The following PKP2 variants were observed in gnomAD, a reference collection of about 807,000 sequenced individuals.
PKP2 encodes plakophilin-2.
In PKP2, 73 loss-of-function variants were observed where a neutral mutation model predicts 83.4. That is an observed-to-expected ratio of 0.88 (90% CI 0.72 to 1.06). The LOEUF (loss-of-function observed/expected upper bound fraction) is 1.06, where lower values mean the gene tolerates loss of function less well. Among genes scored for constraint, PKP2 ranks in the 50% least tolerant of loss-of-function variants. The pLI, the probability that PKP2 is intolerant of heterozygous loss-of-function variation, is 0.00. For synonymous variants in PKP2, 409 were observed against 430.4 expected (o/e 0.95, Z 0.62); for missense variants, 966 against 1,065.4 (o/e 0.91, Z 1.30).
chr12:32,838,304 A>G (rs1956560743), intron 6 of PKP2, among the ~76,000 whole-genome samples: 1 of 152,206 alleles, frequency 6.6e-6, no homozygotes, highest in South Asian at 2.1e-4. Context: ...AGATGGGAAC[A>G]ATAAACACTG....
chr12:32,896,670 A>T lies in PKP2; in HGVS notation c.62T>A (p.Ile21Asn). The change falls in exon 1 of 13, where the codon ATC (isoleucine) becomes AAC (asparagine). Residue 21 changes from isoleucine to asparagine, a missense_variant. By Grantham distance (149) the Ile-to-Asn change is moderately radical. Transcript: ENST00000340811. ...GCTGGAGCTGTCCAGTTGTCCCAGG[A>T]TCTGCTGGCCCAGGACGGTCCGGAT... ...GYIRTVLGQQ[I>N]LGQLDSSSLA... is the part of the protein sequence containing the mutation. 1.3e-6 allele frequency: 2 copies of T among 1,555,816 alleles called. No homozygotes were observed. Among genetic ancestry groups the T allele is most frequent in the Non-Finnish European group, 1.7e-6 (2 of 1,159,896 alleles).
chr12:32,832,228 A>C (rs1354323295), intron 6 of PKP2, among the ~76,000 whole-genome samples: 1 of 152,040 alleles, frequency 6.6e-6, no homozygotes, highest in Non-Finnish European at 1.5e-5. Flanking sequence ...AATACAAAAA[A>C]TTAGCTGGGC....
intron 10 of PKP2, among the ~76,000 whole-genome samples, chr12:32,797,302 T>C (rs1376900195): frequency 6.6e-6 from 1 of 151,430 alleles, no homozygotes; most frequent in Non-Finnish European, 1.5e-5. Context: ...TAGCTGGGCG[T>C]AGTGGCACAT....
intron 9 of PKP2, among the ~76,000 whole-genome samples, chr12:32,807,764 T>A (rs1378106069): frequency 6.6e-6 from 1 of 152,168 alleles, no homozygotes; most frequent in Non-Finnish European, 1.5e-5. Flanking sequence ...CTGAAAAGGA[T>A]CTTATTTCTC....
chr12:32,826,404 G>A (rs1011677641), intron 6 of PKP2, among the ~76,000 whole-genome samples: 5 of 151,746 alleles, frequency 3.3e-5, no homozygotes, highest in African/African-American at 1.2e-4. Context: ...TTGAACTCTG[G>A]AAACTGACAA....
intron 4 of PKP2, chr12:32,863,375 A>G: frequency 3.8e-6 from 1 of 265,356 alleles, no homozygotes; most frequent in Non-Finnish European, 8.0e-6. Context: ...TTCCGAAGCA[A>G]TCTTCCTGCT....
At position 32,859,404 on chromosome 12, in the gene PKP2, C is replaced by T. The variant is rs556404917; in HGVS notation, c.1171-8431G>A. On this transcript the variant is annotated intron_variant, in intron 4 of 12. Coordinates refer to ENST00000340811, the MANE Select transcript of PKP2 (RefSeq NM_001005242.3). ...TATGCATGCAAGATGATGATAAATTCTATAAAAGCGTTTATTTTATCATTT... is the reference window on the plus strand; with the variant it reads ...TATGCATGCAAGATGATGATAAATTTTATAAAAGCGTTTATTTTATCATTT... Among the ~76,000 whole-genome samples the T allele has an allele frequency of 1.2e-4, 19 of 152,130 alleles. No homozygotes were observed. The South Asian group carries it at 3.9e-3, about 32-fold the overall frequency.
chr12:32,876,681 A>G (rs1448293368), intron 3 of PKP2, among the ~76,000 whole-genome samples: 1 of 152,084 alleles, frequency 6.6e-6, no homozygotes, highest in Non-Finnish European at 1.5e-5. Flanking sequence ...ACGTGCACAC[A>G]ACCACACCCA....
Position 32,792,684 on chromosome 12 carries a change from G to C in PKP2, c.2405C>G (p.Ser802Cys). 1 of 1,614,114 alleles carries C rather than the reference G, an allele frequency of 6.2e-7. No homozygotes were observed. The highest frequency in any genetic ancestry group is 1.7e-5 in the Admixed American group (1 of 60,024). ...ATGCAGTTCCGTGTGTGCCCACAGA[G>C]AATACAGAAGGACGGAAGCAGCTTT... The part of the protein sequence containing the change: ...ASKAASVLLY[S>C]LWAHTELHHA... Residue 802 changes from serine to cysteine, a missense_variant, in exon 12 of 13, where the codon TCT (serine) becomes TGT (cysteine). Coordinates refer to ENST00000340811, the MANE Select transcript of PKP2 (RefSeq NM_001005242.3).
chr12:32,794,249 C>G (rs1956101245), intron 11 of PKP2, among the ~76,000 whole-genome samples: 1 of 152,134 alleles, frequency 6.6e-6, no homozygotes, highest in South Asian at 2.1e-4. Context: ...TGATGGGTCT[C>G]TAATATTCAA....
intron 10 of PKP2, among the ~76,000 whole-genome samples, chr12:32,798,320 A>G (rs1368927634): frequency 2.0e-5 from 3 of 151,374 alleles, no homozygotes; most frequent in Non-Finnish European, 4.4e-5. Context: ...CGAACTCCTG[A>G]CCTCAGGTGA....
chr12:32,854,746 CAT>C (rs1208730095), intron 4 of PKP2, among the ~76,000 whole-genome samples: 1 of 152,208 alleles, frequency 6.6e-6, no homozygotes, highest in Non-Finnish European at 1.5e-5. Context: ...GGCAGAGTCA[CAT>C]ATGAGAATTT....
chr12:32,824,463 A>G (rs1355301044), intron 6 of PKP2: 1 of 375,920 alleles, frequency 2.7e-6, no homozygotes, highest in Non-Finnish European at 5.0e-6. Context: ...ATATGAGGCA[A>G]ATGTTTTTGC....
At chr12:32,866,274 TG>T (rs1251862603) in intron 4 of PKP2, among the ~76,000 whole-genome samples, 1 of 152,022 alleles carries the variant, frequency 6.6e-6, no homozygotes, top group African/African-American at 2.4e-5. Flanking sequence ...ATGTTCTGGC[TG>T]GGTGTGGTGG....
rs756604557 is a variant in PKP2, at chr12:32,877,946, A to C, written c.934T>G (p.Ser312Ala). The stretch of plus-strand genomic sequence containing the variant: ...GTCAAGTGCGCTCTCCTCCCGCTGG[A>C]ATCCACGGCGACACTGGGCCCAGCT... ...REAGPSVAVDSSGRRAHLTVG... is the reference protein window; with the variant it reads ...REAGPSVAVDASGRRAHLTVG... Residue 312 changes from serine to alanine, a missense_variant, in exon 3 of 13, where the codon TCC (serine) becomes GCC (alanine). Coordinates refer to ENST00000340811, the MANE Select transcript of PKP2 (RefSeq NM_001005242.3). The C allele has an allele frequency of 2.2e-5, 36 of 1,614,056 alleles. No homozygotes were observed. The highest frequency in any genetic ancestry group is 2.5e-5 in the Non-Finnish European group (29 of 1,180,036).
chr12:32,841,314 A>T, intron 5 of PKP2, 109 bp from the exon 6 acceptor site: 1 of 898,882 alleles, frequency 1.1e-6, no homozygotes, highest in Non-Finnish European at 1.8e-6. Context: ...GTCATAAAAA[A>T]ATTTGGGGGG....
rs570504485 is a variant in PKP2 at position 32,834,762 on chromosome 12, T to C, written c.1556+6266A>G. On this transcript the variant is annotated intron_variant, in intron 6 of 12. Transcript: ENST00000340811. The stretch of plus-strand genomic sequence containing the variant: ...AGGAGGAAAGAAGCTATAAGAATAA[T>C]ATGCAGAAATGATGATAAAACTTTG... Among the ~76,000 whole-genome samples the C allele has an allele frequency of 3.3e-5, 5 of 152,190 alleles. 1 individual carries two copies. In the South Asian group the frequency reaches 1.0e-3, roughly 32 times the overall value.
At chr12:32,862,820 A>ATG (rs1956812604) in intron 4 of PKP2, among the ~76,000 whole-genome samples, 1 of 150,310 alleles carries the variant, frequency 6.7e-6, no homozygotes, top group Non-Finnish European at 1.5e-5. Context: ...CCAACATGGC[A>ATG]AAACCCTACC....
intron 6 of PKP2, among the ~76,000 whole-genome samples, chr12:32,837,614 G>A (rs1351469917): frequency 6.6e-6 from 1 of 152,128 alleles, no homozygotes; most frequent in Non-Finnish European, 1.5e-5. Flanking sequence ...CAAATGAGTG[G>A]TCTGGACTGT....
Sources: allele counts gnomAD v4.1 joint callset (sites outside exome capture counted in the v4.1 genomes callset), GRCh38; gene constraint gnomAD v4.1.1; transcripts MANE v1.5; gene names NCBI Gene and HGNC (gene_info 2026-07-23, HGNC 2026-07-21).